The following LZTFL1 variants were observed in gnomAD, a reference collection of about 807,000 sequenced individuals.
LZTFL1 encodes the protein leucine zipper transcription factor like 1, also known as leucine zipper transcription factor-like protein 1.
LZTFL1 carries 25 observed loss-of-function variants against 45.9 expected under a neutral mutation model. The ratio of observed to expected loss-of-function variants is 0.54; its 90% CI spans 0.40 to 0.76. The LOEUF is 0.76. Ranked by LOEUF, LZTFL1 falls within the 30% of genes least tolerant of loss-of-function variation. LZTFL1 has a pLI of 0.00. For missense variants in LZTFL1, 277 were observed against 331.1 expected, an observed-to-expected ratio of 0.84 and a Z score of 1.27; for synonymous variants, 93 against 117.4, an observed-to-expected ratio of 0.79 and a Z score of 1.35.
intron 2 of LZTFL1, among the ~76,000 whole-genome samples, chr3:45,861,057 C>T (rs540739783): frequency 1.3e-5 from 2 of 152,002 alleles, no homozygotes; most frequent in South Asian, 2.1e-4. Context: ...AGCACAGGGT[C>T]GAAGTACACT....
At chr3:45,883,725 GC>G in intron 2 of LZTFL1, 1 of 567,738 alleles carries the variant, frequency 1.8e-6, no homozygotes, top group South Asian at 2.5e-5. Context: ...AGCTGAAAGT[GC>G]CAAAAGGCCT....
At chr3:45,839,995 T>G (rs1209098036) in intron 1 of LZTFL1, among the ~76,000 whole-genome samples, 1 of 152,228 alleles carries the variant, frequency 6.6e-6, no homozygotes, top group East Asian at 1.9e-4. Context: ...CTCGTATTAT[T>G]GATTATCTTT....
intron 4 of LZTFL1, among the ~76,000 whole-genome samples, chr3:45,854,741 A>G (rs1701362564): frequency 6.6e-6 from 1 of 152,154 alleles, no homozygotes; most frequent in Admixed American, 6.5e-5. Flanking sequence ...TCTACCACCA[A>G]CCATTTTATC....
chr3:45,851,798 T>G (rs966173074), intron 4 of LZTFL1, among the ~76,000 whole-genome samples: 2 of 151,318 alleles, frequency 1.3e-5, no homozygotes, highest in African/African-American at 4.9e-5. Flanking sequence ...AAGTGAGCCA[T>G]GATCACACCA....
rs1376040615 is a variant in LZTFL1, at chr3:45,874,735, G to A, written c.-214-15719C>T. Among the ~76,000 whole-genome samples, 13 of 152,278 alleles carry A rather than the reference G, an allele frequency of 8.5e-5. 1 individual carries two copies. In the South Asian group the frequency reaches 1.5e-3, roughly 17 times the overall value. ...GTCTCCCCACACCTTGAATCCGGGC[G>A]GACTTTGTGACTTGCTTTGACCAAT... On this transcript the variant is annotated intron_variant, in intron 2 of 4. Coordinates refer to the LZTFL1 transcript ENST00000472635.
At chr3:45,907,842 G>A (rs916502793) in intron 2 of LZTFL1, among the ~76,000 whole-genome samples, 6 of 152,182 alleles carry the variant, frequency 3.9e-5, no homozygotes, top group Non-Finnish European at 5.9e-5. Context: ...TCTTGCTCAC[G>A]TGTGTCTGCC....
chr3:45,875,407 C>A (rs1199343618), intron 2 of LZTFL1, among the ~76,000 whole-genome samples: 1 of 152,204 alleles, frequency 6.6e-6, no homozygotes, highest in African/African-American at 2.4e-5. Flanking sequence ...GGAAGAAAAG[C>A]AGAATTTTGA....
At chr3:45,913,208 C>A (rs1398630898) in intron 1 of LZTFL1, 4 of 1,438,764 alleles carry the variant, frequency 2.8e-6, no homozygotes, top group Non-Finnish European at 2.8e-6. Flanking sequence ...ACAAATTAAA[C>A]AATGCTACTA....
upstream of LZTFL1, chr3:45,915,655 A>T (rs1190089998): frequency 5.3e-6 from 2 of 375,060 alleles, no homozygotes; most frequent in South Asian, 3.9e-5. Flanking sequence ...AAAAAGACTT[A>T]ATTCATTCAA....
chr3:45,909,694 G>A (rs1281930148), intron 2 of LZTFL1, among the ~76,000 whole-genome samples: 5 of 152,224 alleles, frequency 3.3e-5, no homozygotes, highest in Non-Finnish European at 7.3e-5. Context: ...GGAACCGAAG[G>A]AGGGACGGAG....
intron 4 of LZTFL1, among the ~76,000 whole-genome samples, chr3:45,848,420 A>G (rs1701252403): frequency 6.6e-6 from 1 of 152,226 alleles, no homozygotes; most frequent in African/African-American, 2.4e-5. Context: ...GACACTTTGT[A>G]TGGATCCCAT....
At chr3:45,905,741 C>A (rs560504105) in intron 2 of LZTFL1, among the ~76,000 whole-genome samples, 1 of 152,342 alleles carries the variant, frequency 6.6e-6, no homozygotes, top group East Asian at 1.9e-4. Context: ...CACTCCAGGG[C>A]ACTCTGCCAG....
chr3:45,833,115 A>G lies in LZTFL1; in HGVS notation c.391T>C (p.Leu131=). 6.2e-7 allele frequency: 1 copy of G among 1,612,428 alleles called. No individual in the cohort carries two copies. Among genetic ancestry groups the G allele is most frequent in the Non-Finnish European group, 8.5e-7 (1 of 1,178,494 alleles). The part of the protein sequence containing the change: ...EITSSNKKPI[L]DVTKPKLAPL... The stretch of plus-strand genomic sequence containing the variant: ...GCAAGTTTTGGCTTTGTGACATCTA[A>G]GATGGGCTGAAACAAAATAAAGAAA... The change falls in exon 5 of 10, where the codon TTA becomes CTA. Residue 131 remains leucine (L), a synonymous_variant. Transcript: ENST00000296135.
chr3:45,915,594 C>G (rs1388392967), exon 1 of LZTFL1: 1 of 444,662 alleles, frequency 2.2e-6, no homozygotes, highest in East Asian at 7.0e-5. Flanking sequence ...ACAAGGACTT[C>G]CTTTTGGTAA....
intron 3 of LZTFL1, among the ~76,000 whole-genome samples, chr3:45,856,326 A>G (rs1288871042): frequency 6.6e-6 from 1 of 152,234 alleles, no homozygotes; most frequent in East Asian, 1.9e-4. Flanking sequence ...AAAACTGGCT[A>G]GCCATATGCA....
intron 2 of LZTFL1, among the ~76,000 whole-genome samples, chr3:45,884,729 G>A (rs1701935261): frequency 6.6e-6 from 1 of 152,190 alleles, no homozygotes; most frequent in Non-Finnish European, 1.5e-5. Flanking sequence ...CATGGCAATT[G>A]CAATAGTGCG....
intron 2 of LZTFL1, among the ~76,000 whole-genome samples, chr3:45,866,421 G>A (rs1701578955): frequency 1.3e-5 from 2 of 152,128 alleles, no homozygotes; most frequent in African/African-American, 2.4e-5. Context: ...AACATTTTGG[G>A]GCTTTTTCTT....
chr3:45,868,607 G>A (rs1223355464), intron 2 of LZTFL1, among the ~76,000 whole-genome samples: 2 of 152,192 alleles, frequency 1.3e-5, no homozygotes, highest in African/African-American at 4.8e-5. Context: ...GTTAAGAAAA[G>A]TGAGGCTTAA....
intron 2 of LZTFL1, among the ~76,000 whole-genome samples, chr3:45,907,555 C>T (rs1365428821): frequency 6.6e-6 from 1 of 152,182 alleles, no homozygotes. Context: ...GTGTAAACAA[C>T]CCTCAGTCAA....
Sources: allele counts gnomAD v4.1 joint callset (sites outside exome capture counted in the v4.1 genomes callset), GRCh38; gene constraint gnomAD v4.1.1; transcripts MANE v1.5; gene names NCBI Gene and HGNC (gene_info 2026-07-23, HGNC 2026-07-21).